The following MACROD2 variants were observed in gnomAD, a reference collection of about 807,000 sequenced individuals.
MACROD2 encodes mono-ADP ribosylhydrolase 2.
MACROD2 carries 36 observed loss-of-function variants against 70.4 expected under a neutral mutation model. The observed-to-expected ratio is 0.51, with a 90% CI of 0.39 to 0.68. The LOEUF (loss-of-function observed/expected upper bound fraction) is 0.68. MACROD2 is among the 30% of genes least tolerant of loss of function. MACROD2 has a pLI of 0.00. For missense variants in MACROD2, 496 were observed against 538.4 expected, an observed-to-expected ratio of 0.92 and a Z score of 0.78; for synonymous variants, 172 against 178.8, an observed-to-expected ratio of 0.96 and a Z score of 0.30.
intron 6 of MACROD2, among the ~76,000 whole-genome samples, chr20:15,266,605 T>C (rs2077296743): frequency 6.6e-6 from 1 of 152,222 alleles, no homozygotes; most frequent in Non-Finnish European, 1.5e-5. Context: ...CTTTTCTTTC[T>C]CTCTAAACCA....
chr20:14,411,320 G>C (rs1203588595), intron 3 of MACROD2, among the ~76,000 whole-genome samples: 1 of 152,024 alleles, frequency 6.6e-6, no homozygotes, highest in African/African-American at 2.4e-5. Context: ...TAGGGATAAG[G>C]GTTAGGGAGT....
intron 5 of MACROD2, among the ~76,000 whole-genome samples, chr20:14,873,334 T>G (rs186143943): frequency 6.6e-6 from 1 of 152,308 alleles, no homozygotes; most frequent in African/African-American, 2.4e-5. Context: ...TTTTAGAATA[T>G]TGTCTGTCTG....
intron 8 of MACROD2, among the ~76,000 whole-genome samples, chr20:15,564,309 G>A (rs1476362731): frequency 1.3e-5 from 2 of 152,176 alleles, no homozygotes; most frequent in Admixed American, 6.5e-5. Context: ...CTTTTTGACA[G>A]CAAAATGTCT....
chr20:15,064,072 GTC>G (rs527619906), intron 5 of MACROD2, among the ~76,000 whole-genome samples: 34 of 152,308 alleles, frequency 2.2e-4, no homozygotes, highest in African/African-American at 7.9e-4. Context: ...GTTAGTCACA[GTC>G]TCTCGCACCA....
chr20:16,013,369 T>G (rs1456124499), intron 15 of MACROD2, among the ~76,000 whole-genome samples: 1 of 152,078 alleles, frequency 6.6e-6, no homozygotes, highest in Non-Finnish European at 1.5e-5. Context: ...AAAATAGAAA[T>G]TGTAAAGACT....
chr20:15,548,203 A>T (rs755516412), intron 8 of MACROD2, among the ~76,000 whole-genome samples: 9 of 152,186 alleles, frequency 5.9e-5, no homozygotes, highest in Non-Finnish European at 5.9e-5. Context: ...ATATGAAATT[A>T]ATCTAGCCTT....
At chr20:14,437,572 T>G (rs868236087) in intron 3 of MACROD2, among the ~76,000 whole-genome samples, 1 of 152,098 alleles carries the variant, frequency 6.6e-6, no homozygotes, top group Non-Finnish European at 1.5e-5. Context: ...CCAGCCTGGG[T>G]GACAAAAGCA....
At chr20:14,776,784 T>C (rs1408690750) in intron 5 of MACROD2, among the ~76,000 whole-genome samples, 9 of 152,108 alleles carry the variant, frequency 5.9e-5, no homozygotes, top group African/African-American at 2.2e-4. Context: ...TGGATGTTTT[T>C]GTAGCCAGTA....
At chr20:14,008,581 C>T (rs571841901) in intron 2 of MACROD2, among the ~76,000 whole-genome samples, 1 of 152,256 alleles carries the variant, frequency 6.6e-6, no homozygotes, top group Admixed American at 6.5e-5. Flanking sequence ...TCCTATTAAA[C>T]TACTATCAAC....
At chr20:14,546,967 G>A (rs996600904) in intron 4 of MACROD2, among the ~76,000 whole-genome samples, 4 of 150,642 alleles carry the variant, frequency 2.7e-5, no homozygotes, top group Non-Finnish European at 5.9e-5. Context: ...ATTTTTAAAC[G>A]TTGGGTCCAG....
At chr20:15,169,254 T>C (rs1156848358) in intron 5 of MACROD2, among the ~76,000 whole-genome samples, 2 of 152,198 alleles carry the variant, frequency 1.3e-5, no homozygotes, top group Non-Finnish European at 2.9e-5. Flanking sequence ...TGCATTCTAT[T>C]TCTCTTTTCC....
At chr20:14,529,686 G>A (rs1019736873) in intron 4 of MACROD2, among the ~76,000 whole-genome samples, 2 of 151,992 alleles carry the variant, frequency 1.3e-5, no homozygotes, top group African/African-American at 2.4e-5. Flanking sequence ...TTTCCCAGAG[G>A]CACATAGTCA....
At chr20:15,940,562 T>C (rs1470459966) in intron 12 of MACROD2, among the ~76,000 whole-genome samples, 2 of 152,208 alleles carry the variant, frequency 1.3e-5, no homozygotes, top group South Asian at 2.1e-4. Flanking sequence ...AGCAACCAAG[T>C]GGTGGCCGTC....
chr20:15,438,447 T>C (rs1199114306), intron 7 of MACROD2, among the ~76,000 whole-genome samples: 3 of 152,240 alleles, frequency 2.0e-5, no homozygotes, highest in African/African-American at 4.8e-5. Context: ...TGAGCTTTTT[T>C]TCATTGGCTT....
Position 15,506,504 on chromosome 20 carries a change from T to C in MACROD2, c.645+6657T>C, listed in dbSNP as rs533631188. 5.8e-4 allele frequency among the ~76,000 whole-genome samples: 89 copies of C among 152,298 alleles called. 1 individual carries two copies. Among genetic ancestry groups the C allele is most frequent in the African/African-American group, 2.1e-3 (88 of 41,564 alleles). Reference sequence around the variant, plus strand: ...CTGGTGCCAAGACTATTTTTCCCCCTTCTTGGCAGAGGTCTTTGAGCATAT... The same window carrying C: ...CTGGTGCCAAGACTATTTTTCCCCCCTCTTGGCAGAGGTCTTTGAGCATAT... On this transcript the variant is annotated intron_variant, in intron 8 of 17. Transcript: ENST00000684519.
At chr20:14,915,514 C>G (rs1287695449) in intron 5 of MACROD2, among the ~76,000 whole-genome samples, 1 of 152,118 alleles carries the variant, frequency 6.6e-6, no homozygotes, top group Non-Finnish European at 1.5e-5. Context: ...TTTCGTGGTC[C>G]TGTTGCTCCT....
chr20:15,639,945 G>T (rs1005310852), intron 8 of MACROD2, among the ~76,000 whole-genome samples: 6 of 151,364 alleles, frequency 4.0e-5, no homozygotes, highest in African/African-American at 1.5e-4. Context: ...CAGAAAAGGA[G>T]AGAGAGGGGA....
chr20:14,716,632 A>C (rs771948790), intron 5 of MACROD2, among the ~76,000 whole-genome samples: 7 of 152,182 alleles, frequency 4.6e-5, no homozygotes, highest in African/African-American at 9.7e-5. Flanking sequence ...TCTGACTTGC[A>C]GAGAATCCAT....
intron 8 of MACROD2, among the ~76,000 whole-genome samples, chr20:15,859,099 A>G (rs1319178764): frequency 6.6e-6 from 1 of 152,234 alleles, no homozygotes; most frequent in African/African-American, 2.4e-5. Flanking sequence ...AGTTAGAGAA[A>G]GAAAATGTTA....
Sources: gnomAD v4.1 joint callset for allele counts (sites outside exome capture counted in the v4.1 genomes callset) on GRCh38, gnomAD v4.1.1 for gene constraint, MANE v1.5 for transcripts, NCBI Gene and HGNC (gene_info 2026-07-23, HGNC 2026-07-21) for gene names.